Variants in MC2R observed in about 807,000 individuals in gnomAD.
The protein encoded by MC2R is melanocortin 2 receptor.
A neutral mutation model predicts 9.8 loss-of-function variants in MC2R; 9 were observed. The observed-to-expected ratio is 0.92, with a 90% CI of 0.55 to 1.60. The LOEUF (loss-of-function observed/expected upper bound fraction) is 1.60. Ranked by LOEUF, MC2R falls within the 40% of genes most tolerant of loss-of-function variation. MC2R has a pLI of 0.00. For synonymous variants in MC2R, 185 were observed against 154.7 expected (o/e 1.20, Z -1.45); for missense variants, 370 against 389.0 (o/e 0.95, Z 0.41).
At position 13,883,627 on chromosome 18, in the gene MC2R, A is replaced by ACACACACT. The variant is rs886053639; in HGVS notation, c.*997_*998insAGTGTGTG. 4 of 53,206 alleles carry ACACACACT rather than the reference A, an allele frequency of 7.5e-5. No individual in the cohort carries two copies. Among genetic ancestry groups the ACACACACT allele is most frequent in the African/African-American group, 1.1e-4 (2 of 17,666 alleles). The allele number at this position is 53,206 out of a possible 1,614,324, so 3.3% of individuals were successfully genotyped here. A position where few individuals can be genotyped will look rare whatever the true frequency, so the allele number is the denominator to read the frequency against. ...CACACACACACACACACACACACAC[A>ACACACACT]CTCTCTCTCTCTCTCTCTCTCTCTC... On this transcript the variant is annotated 3_prime_UTR_variant, in exon 2 of 2. Transcript: ENST00000327606.
chr18:13,915,002 T>A (rs2045468041), intron 1 of MC2R, among the ~76,000 whole-genome samples: 1 of 152,202 alleles, frequency 6.6e-6, no homozygotes, highest in African/African-American at 2.4e-5. Flanking sequence ...AACTGTAACG[T>A]CACACGTGTG....
At chr18:13,908,480 C>T (rs1023304420) in intron 1 of MC2R, among the ~76,000 whole-genome samples, 1 of 152,062 alleles carries the variant, frequency 6.6e-6, no homozygotes, top group African/African-American at 2.4e-5. Context: ...CTATAGTTTA[C>T]AATAATCTAT....
intron 1 of MC2R, among the ~76,000 whole-genome samples, chr18:13,894,256 T>C (rs2045333872): frequency 6.6e-6 from 1 of 152,186 alleles, no homozygotes. Flanking sequence ...TTTTCTTTTC[T>C]ATTTCTTCCC....
chr18:13,888,391 C>T (rs147349071), intron 1 of MC2R, among the ~76,000 whole-genome samples: 12 of 152,268 alleles, frequency 7.9e-5, no homozygotes, highest in South Asian at 4.1e-4. Context: ...GCCAGTGACA[C>T]GAATTGGTGG....
At chr18:13,887,108 G>C (rs931100863) in intron 1 of MC2R, among the ~76,000 whole-genome samples, 3 of 152,236 alleles carry the variant, frequency 2.0e-5, no homozygotes, top group Non-Finnish European at 4.4e-5. Context: ...TCACCTTCGT[G>C]CCTCCTGCCC....
intron 1 of MC2R, among the ~76,000 whole-genome samples, chr18:13,892,838 A>ACG (rs1324317114): frequency 1.3e-5 from 2 of 148,270 alleles, no homozygotes; most frequent in Non-Finnish European, 3.0e-5. Flanking sequence ...ACACACACAC[A>ACG]CACACACACC....
At chr18:13,891,111 A>G (rs746960992) in intron 1 of MC2R, among the ~76,000 whole-genome samples, 2 of 152,228 alleles carry the variant, frequency 1.3e-5, no homozygotes, top group Non-Finnish European at 2.9e-5. Context: ...CTCTTTTCTA[A>G]TGGCAGGAAA....
At chr18:13,908,092 C>T (rs1002920873) in intron 1 of MC2R, among the ~76,000 whole-genome samples, 4 of 152,152 alleles carry the variant, frequency 2.6e-5, no homozygotes, top group African/African-American at 4.8e-5. Flanking sequence ...ATGTTTATTG[C>T]AGCATTATTC....
chr18:13,909,255 C>T (rs966128261), intron 1 of MC2R, among the ~76,000 whole-genome samples: 5 of 152,104 alleles, frequency 3.3e-5, no homozygotes, highest in South Asian at 4.2e-4. Context: ...ATGGACCTTG[C>T]GGGAGGAAGA....
Position 13,884,688 on chromosome 18 carries a change from GGCAT to G in MC2R, c.827_830del (p.Tyr276SerfsTer14), listed in dbSNP as rs1482065205. The G allele has an allele frequency of 6.2e-7, 1 of 1,613,986 alleles. No individual in the cohort carries two copies. The highest frequency in any genetic ancestry group is 8.5e-7 in the Non-Finnish European group (1 of 1,180,042). On this transcript the variant is annotated frameshift_variant, in exon 2 of 2. Transcript: ENST00000327606. LOFTEE classifies it high-confidence loss of function. ...CGTCCCTGAGCTCTGGGCTCCGGAAGGCATATATGAAGGGGTCAATGACGGCATT... is the reference window on the plus strand; with the variant it reads ...CGTCCCTGAGCTCTGGGCTCCGGAAGATATGAAGGGGTCAATGACGGCATT...
chr18:13,893,047 G>T (rs2045326272), intron 1 of MC2R, among the ~76,000 whole-genome samples: 1 of 152,190 alleles, frequency 6.6e-6, no homozygotes, highest in Non-Finnish European at 1.5e-5. Flanking sequence ...TTTCATAACA[G>T]ATCTCAATCT....
chr18:13,908,822 AT>A (rs1175588682), intron 1 of MC2R, among the ~76,000 whole-genome samples: 3 of 151,744 alleles, frequency 2.0e-5, no homozygotes, highest in Admixed American at 2.0e-4. Context: ...GCTATGAGCT[AT>A]TTTTTAAATA....
intron 1 of MC2R, among the ~76,000 whole-genome samples, chr18:13,889,205 T>C (rs2045298250): frequency 6.6e-6 from 1 of 152,224 alleles, no homozygotes; most frequent in Non-Finnish European, 1.5e-5. Context: ...AATCTCATTC[T>C]TTCTTATGTT....
In MC2R at chr18:13,884,265, C is replaced by A. The variant is rs558924106; in HGVS notation, c.*360G>T. Reference sequence around the variant, plus strand: ...ACAGGAAAGCAAGTCTTTGCCTTAGCCCAAAGCCCTTGAATTTTTATTGCT... The same window carrying A: ...ACAGGAAAGCAAGTCTTTGCCTTAGACCAAAGCCCTTGAATTTTTATTGCT... On this transcript the variant is annotated 3_prime_UTR_variant, in exon 2 of 2. Transcript: ENST00000327606. The A allele has an allele frequency of 2.9e-6, 1 of 343,272 alleles. No homozygotes were observed. The highest frequency in any genetic ancestry group is 4.1e-5 in the Admixed American group (1 of 24,592). 21.3% of individuals were successfully genotyped at this position (343,272 alleles called of 1,614,324 possible). A position where few individuals can be genotyped will look rare whatever the true frequency, so the allele number is the denominator to read the frequency against.
chr18:13,898,442 G>C (rs969386768), intron 1 of MC2R, among the ~76,000 whole-genome samples: 1 of 152,210 alleles, frequency 6.6e-6, no homozygotes, highest in Non-Finnish European at 1.5e-5. Context: ...CAGGACCTGG[G>C]GGAACTTCCT....
At position 13,883,619 on chromosome 18, in the gene MC2R, A is replaced by T. The variant is rs1422699745; in HGVS notation, c.*1006T>A. 169 of 76,330 alleles carry T rather than the reference A, an allele frequency of 2.2e-3. 1 individual carries two copies. The highest frequency in any genetic ancestry group is 8.3e-3 in the African/African-American group (162 of 19,526). 4.7% of individuals were successfully genotyped at this position (76,330 alleles called of 1,614,324 possible). ...CACACACACACACACACACACACAC[A>T]CACACACACTCTCTCTCTCTCTCTC... On this transcript the variant is annotated 3_prime_UTR_variant, in exon 2 of 2. Transcript: ENST00000327606.
At chr18:13,888,395 T>A (rs1027495664) in intron 1 of MC2R, among the ~76,000 whole-genome samples, 2 of 152,194 alleles carry the variant, frequency 1.3e-5, no homozygotes, top group Admixed American at 1.3e-4. Flanking sequence ...GTGACACGAA[T>A]TGGTGGCCTT....
At chr18:13,905,200 A>T (rs2045405823) in intron 1 of MC2R, among the ~76,000 whole-genome samples, 1 of 152,238 alleles carries the variant, frequency 6.6e-6, no homozygotes, top group Non-Finnish European at 1.5e-5. Context: ...AGAAAAAAAC[A>T]ACCCCACCAA....
intron 1 of MC2R, among the ~76,000 whole-genome samples, chr18:13,896,985 C>T (rs756645766): frequency 1.3e-5 from 2 of 152,212 alleles, no homozygotes; most frequent in African/African-American, 4.8e-5. Context: ...GAAGGCTCCA[C>T]TGATTGTCCC....
Sources: gnomAD v4.1 joint callset for allele counts (sites outside exome capture counted in the v4.1 genomes callset) on GRCh38, gnomAD v4.1.1 for gene constraint, MANE v1.5 for transcripts, NCBI Gene and HGNC (gene_info 2026-07-23, HGNC 2026-07-21) for gene names.